The following MEI4 variants were observed in gnomAD, a reference collection of about 807,000 sequenced individuals.
MEI4 encodes meiotic double-stranded break formation protein 4, also known as meiosis-specific protein MEI4.
MEI4 carries 27 observed loss-of-function variants against 31.4 expected under a neutral mutation model. The ratio of observed to expected loss-of-function variants is 0.86; its 90% CI spans 0.63 to 1.19. The LOEUF is 1.19. Ranked by LOEUF, MEI4 falls within the 50% of genes most tolerant of loss-of-function variation. MEI4 has a pLI of 0.00. For missense variants in MEI4, 329 were observed against 398.9 expected, an observed-to-expected ratio of 0.82 and a Z score of 1.49; for synonymous variants, 122 against 145.4, an observed-to-expected ratio of 0.84 and a Z score of 1.16.
intron 4 of MEI4, among the ~76,000 whole-genome samples, chr6:77,837,312 G>T (rs1052491756): frequency 3.9e-5 from 6 of 152,100 alleles, no homozygotes; most frequent in African/African-American, 1.4e-4. Flanking sequence ...AAACCTAAAG[G>T]TTCTAGAATG....
At chr6:77,881,426 G>A (rs1023500465) in intron 4 of MEI4, among the ~76,000 whole-genome samples, 4 of 152,116 alleles carry the variant, frequency 2.6e-5, no homozygotes, top group Non-Finnish European at 4.4e-5. Context: ...CAGATGTATC[G>A]CAAAAGAACA....
intron 2 of MEI4, among the ~76,000 whole-genome samples, chr6:77,729,739 C>G (rs1030040321): frequency 3.9e-5 from 6 of 152,124 alleles, no homozygotes; most frequent in African/African-American, 1.4e-4. Flanking sequence ...ACTTAAAAGA[C>G]AGTTTTCTGG....
chr6:77,745,594 T>G (rs1047260506), intron 2 of MEI4, among the ~76,000 whole-genome samples: 1 of 152,074 alleles, frequency 6.6e-6, no homozygotes, highest in Non-Finnish European at 1.5e-5. Flanking sequence ...ACCCAGGAAT[T>G]GAACTCAGCT....
intron 2 of MEI4, among the ~76,000 whole-genome samples, chr6:77,713,930 C>A (rs1346420702): frequency 6.6e-6 from 1 of 151,956 alleles, no homozygotes; most frequent in Non-Finnish European, 1.5e-5. Flanking sequence ...CAGTTAAGAT[C>A]ATGTCTTAAG....
rs199921556 is a variant in MEI4 at position 77,817,390 on chromosome 6, C to A, written c.769-11541C>A. On this transcript the variant is annotated intron_variant, in intron 3 of 4. Transcript: ENST00000684080. Reference sequence around the variant, plus strand: ...ATTTCATCTGTAATATCCAGGGTGACCTTTGTTGCCTGATAGTGAGTCTTA... The same window carrying A: ...ATTTCATCTGTAATATCCAGGGTGAACTTTGTTGCCTGATAGTGAGTCTTA... Among the ~76,000 whole-genome samples the A allele has an allele frequency of 5.3e-5, 8 of 152,066 alleles. No homozygotes were observed. In the East Asian group the frequency reaches 1.5e-3, roughly 29 times the overall value.
chr6:77,750,821 C>A (rs767245344), intron 2 of MEI4, among the ~76,000 whole-genome samples: 1 of 152,154 alleles, frequency 6.6e-6, no homozygotes, highest in African/African-American at 2.4e-5. Context: ...AATATATATT[C>A]TTCTCAGCAC....
At chr6:77,791,178 C>T (rs1768917833) in intron 3 of MEI4, among the ~76,000 whole-genome samples, 1 of 152,128 alleles carries the variant, frequency 6.6e-6, no homozygotes, top group Non-Finnish European at 1.5e-5. Context: ...CATCCCATTA[C>T]TGGGTATATA....
rs534616685 is a variant in MEI4 at position 77,741,211 on chromosome 6, C to T, written c.233-19919C>T. Among the ~76,000 whole-genome samples, 30 of 152,060 alleles carry T rather than the reference C, an allele frequency of 2.0e-4. No homozygotes were observed. The East Asian group carries it at 3.7e-3, about 19-fold the overall frequency. Reference sequence around the variant, plus strand: ...TTTAAAGTTGCTTGCATGTAAATAACGATAAGAGTAGAGGGAAGGCTGGAG... The same window carrying T: ...TTTAAAGTTGCTTGCATGTAAATAATGATAAGAGTAGAGGGAAGGCTGGAG... On this transcript the variant is annotated intron_variant, in intron 2 of 4. Transcript: ENST00000684080.
At position 77,656,034 on chromosome 6, in the gene MEI4, CTT is replaced by C. The variant is rs889460007; in HGVS notation, c.-15+2944_-15+2945del. Reference sequence around the variant, plus strand: ...CAGGCTTTCAAAATATCTGTCAGCTCTTTAATTCTTCCTTCTGATTTATTCAG... The same window carrying C: ...CAGGCTTTCAAAATATCTGTCAGCTCTAATTCTTCCTTCTGATTTATTCAG... On this transcript the variant is annotated intron_variant, in intron 1 of 4. Coordinates refer to ENST00000684080, the MANE Select transcript of MEI4 (RefSeq NM_001322247.2). Among the ~76,000 whole-genome samples, 5 of 152,220 alleles carry C rather than the reference CTT, an allele frequency of 3.3e-5. No homozygotes were observed. In the East Asian group the frequency reaches 9.6e-4, roughly 29 times the overall value.
At chr6:77,858,908 A>G (rs547480167) in intron 4 of MEI4, among the ~76,000 whole-genome samples, 1,367 of 79,110 alleles carry the variant, frequency 0.017, 16 homozygotes, top group African/African-American at 0.069. Context: ...AGTTTCTTCT[A>G]AAAAAAAAAG....
intron 3 of MEI4, among the ~76,000 whole-genome samples, chr6:77,774,822 T>A (rs1389923688): frequency 1.3e-5 from 2 of 151,946 alleles, no homozygotes; most frequent in Non-Finnish European, 1.5e-5. Flanking sequence ...ACTGTATTAG[T>A]TTTCTATGGC....
At chr6:77,914,713 C>T (rs1766504308) in intron 4 of MEI4, among the ~76,000 whole-genome samples, 2 of 152,036 alleles carry the variant, frequency 1.3e-5, no homozygotes, top group Non-Finnish European at 2.9e-5. Flanking sequence ...ACCTATCTCT[C>T]CCCTTAGATC....
At chr6:77,688,702 T>C (rs560815010) in intron 1 of MEI4, among the ~76,000 whole-genome samples, 24 of 152,230 alleles carry the variant, frequency 1.6e-4, no homozygotes, top group Middle Eastern at 3.4e-3. Context: ...CTGTTTATAA[T>C]TGAATGTGAG....
At chr6:77,792,878 A>C (rs1768974993) in intron 3 of MEI4, among the ~76,000 whole-genome samples, 1 of 151,730 alleles carries the variant, frequency 6.6e-6, no homozygotes, top group East Asian at 1.9e-4. Context: ...ATGGCCGGCT[A>C]ATGTTTTGTA....
chr6:77,663,862 A>G (rs1303192950), intron 1 of MEI4, among the ~76,000 whole-genome samples: 1 of 152,126 alleles, frequency 6.6e-6, no homozygotes, highest in Non-Finnish European at 1.5e-5. Context: ...TCAGTCAGAG[A>G]GCCTTGGGCC....
intron 3 of MEI4, among the ~76,000 whole-genome samples, chr6:77,777,885 A>T (rs1410801677): frequency 1.3e-5 from 2 of 152,170 alleles, no homozygotes; most frequent in Non-Finnish European, 2.9e-5. Flanking sequence ...GAATTAAAAA[A>T]ACCTTTAAAT....
chr6:77,652,622 AGGATAG>A (rs1219868030), upstream of MEI4, among the ~76,000 whole-genome samples: 1 of 152,212 alleles, frequency 6.6e-6, no homozygotes, highest in Non-Finnish European at 1.5e-5. Flanking sequence ...TTAATGTTAA[AGGATAG>A]GAAGGAAGAT....
intron 3 of MEI4, among the ~76,000 whole-genome samples, chr6:77,784,751 A>G (rs1349090575): frequency 6.6e-6 from 1 of 152,112 alleles, no homozygotes. Context: ...ACTTGCCCGG[A>G]GTTGGTTTTT....
intron 4 of MEI4, among the ~76,000 whole-genome samples, chr6:77,897,522 A>G (rs1478509221): frequency 6.6e-6 from 1 of 151,916 alleles, no homozygotes; most frequent in Non-Finnish European, 1.5e-5. Context: ...ATTGTTATAT[A>G]TATATATCTT....
Sources: allele counts gnomAD v4.1 joint callset (sites outside exome capture counted in the v4.1 genomes callset), GRCh38; gene constraint gnomAD v4.1.1; transcripts MANE v1.5; gene names NCBI Gene and HGNC (gene_info 2026-07-23, HGNC 2026-07-21).